HORMAD2: variants seen among roughly 807,000 people sequenced by gnomAD.
HORMAD2 encodes HORMA domain-containing protein 2.
In HORMAD2, 45 loss-of-function variants were observed where a neutral mutation model predicts 38.8. The observed-to-expected ratio is 1.16, with a 90% CI of 0.91 to 1.49. HORMAD2 has a LOEUF of 1.49. Among genes scored for constraint, HORMAD2 ranks in the 40% most tolerant of loss-of-function variants. The probability of loss-of-function intolerance (pLI) is 0.00; values close to 1 mark genes in which losing one functional copy is unlikely to be tolerated. For missense variants in HORMAD2, 338 were observed against 367.0 expected (o/e 0.92, Z 0.65); for synonymous variants, 126 against 122.8 (o/e 1.03, Z -0.17).
chr22:30,175,225 T>TATATTATATATAATATAA (rs1158667733), intron 10 of HORMAD2, among the ~76,000 whole-genome samples: 59 of 34,526 alleles, frequency 1.7e-3, no homozygotes, highest in African/African-American at 3.4e-3. Context: ...ATATATTATA[T>TATATTATATATAATATAA]TATAGAATAT....
chr22:30,122,747 CCAAA>C (rs1922550275), intron 10 of HORMAD2, among the ~76,000 whole-genome samples: 1 of 152,094 alleles, frequency 6.6e-6, no homozygotes, highest in Admixed American at 6.6e-5. Context: ...GCTAGTGGAG[CCAAA>C]CAGTCAGGTC....
chr22:30,190,536 C>G, the HORMAD2 span, among the ~76,000 whole-genome samples: 1 of 152,180 alleles, frequency 6.6e-6, no homozygotes. Context: ...CAAACCCCTG[C>G]TAAGGGGGTG....
At chr22:30,136,848 G>A (rs189268416) in intron 10 of HORMAD2, 171 of 345,232 alleles carry the variant, frequency 5.0e-4, no homozygotes, top group African/African-American at 3.5e-3. Flanking sequence ...ACCATGGAGA[G>A]GATAAACAGA....
chr22:30,127,110 A>G (rs935834351), intron 10 of HORMAD2, among the ~76,000 whole-genome samples: 2 of 151,192 alleles, frequency 1.3e-5, no homozygotes, highest in Admixed American at 6.6e-5. Context: ...TATTCTGCAT[A>G]TAAGTACTTT....
At chr22:30,115,491 A>C in intron 7 of HORMAD2, among the ~76,000 whole-genome samples, 1 of 152,136 alleles carries the variant, frequency 6.6e-6, no homozygotes, top group South Asian at 2.1e-4. Flanking sequence ...TAGATACTTT[A>C]TTTTAGAAAA....
chr22:30,199,383 G>T, the HORMAD2 span, among the ~76,000 whole-genome samples: 3 of 152,214 alleles, frequency 2.0e-5, no homozygotes, highest in Admixed American at 6.5e-5. Flanking sequence ...TTTAAGCCAG[G>T]ATCTCTCTGG....
At chr22:30,189,117 A>G in the HORMAD2 span, among the ~76,000 whole-genome samples, 27 of 152,106 alleles carry the variant, frequency 1.8e-4, no homozygotes, top group African/African-American at 6.5e-4. Flanking sequence ...AAAAAAAAAA[A>G]GTTTTTTTCA....
chr22:30,205,969 G>A, the HORMAD2 span, among the ~76,000 whole-genome samples: 1 of 152,050 alleles, frequency 6.6e-6, no homozygotes, highest in African/African-American at 2.4e-5. Context: ...TGACACACTC[G>A]CCTGCCCACC....
chr22:30,132,440 G>A (rs1923347618), intron 10 of HORMAD2, among the ~76,000 whole-genome samples: 1 of 151,864 alleles, frequency 6.6e-6, no homozygotes, highest in Non-Finnish European at 1.5e-5. Context: ...GAATTAGCCA[G>A]CACGAGAATC....
At chr22:30,129,217 CAAAAAAAAAAAAAAAAAAAAAA>C (rs750796623) in intron 10 of HORMAD2, among the ~76,000 whole-genome samples, 19 of 22,650 alleles carry the variant, frequency 8.4e-4, no homozygotes, top group East Asian at 7.9e-3. Context: ...GACTCTATCT[CAAAAAAAAAAAAAAAAAAAAAA>C]AAAAAAAAAA....
chr22:30,171,704 C>T (rs1362543367), intron 10 of HORMAD2, among the ~76,000 whole-genome samples: 3 of 152,082 alleles, frequency 2.0e-5, no homozygotes, highest in Non-Finnish European at 4.4e-5. Flanking sequence ...ACAAATGTAA[C>T]CAAGACATGT....
At chr22:30,078,607 C>CAAAAAAAAAAAAAAAAAAAAA (rs55966787), upstream of HORMAD2, among the ~76,000 whole-genome samples, 4 of 28,102 alleles carry the variant, frequency 1.4e-4, 1 homozygote, top group African/African-American at 3.0e-4. Context: ...CTCTGTCTCA[C>CAAAAAAAAAAAAAAAAAAAAA]AAAAAAAAAA....
At chr22:30,112,413 G>T in intron 6 of HORMAD2, 83 bp from the exon 7 acceptor site, 1 of 683,360 alleles carries the variant, frequency 1.5e-6, no homozygotes, top group South Asian at 1.7e-5. Flanking sequence ...AACACAAATT[G>T]AACTCTATAT....
At chr22:30,206,753 G>A in the HORMAD2 span, among the ~76,000 whole-genome samples, 1 of 152,282 alleles carries the variant, frequency 6.6e-6, no homozygotes, top group South Asian at 2.1e-4. Context: ...ACAGGCATGA[G>A]CCACTCTGCC....
At position 30,176,852 on chromosome 22, in the gene HORMAD2, G is replaced by T. The variant is rs549880807; in HGVS notation, c.*685G>T. ...GTTTATCAGTCTGTAACCTGCAAAT[G>T]ATGCTATTAGTTCCCTCCTTATTCT... On this transcript the variant is annotated 3_prime_UTR_variant, in exon 11 of 11. Coordinates refer to ENST00000336726, the MANE Select transcript of HORMAD2 (RefSeq NM_152510.4). The T allele has an allele frequency of 1.3e-5, 2 of 152,850 alleles. No individual in the cohort carries two copies. The highest frequency in any genetic ancestry group is 1.9e-4 in the East Asian group (1 of 5,324). 9.5% of individuals were successfully genotyped at this position (152,850 alleles called of 1,614,324 possible). A position where few individuals can be genotyped will look rare whatever the true frequency, so the allele number is the denominator to read the frequency against.
chr22:30,140,780 G>C (rs1481089840), intron 10 of HORMAD2, among the ~76,000 whole-genome samples: 2 of 152,016 alleles, frequency 1.3e-5, no homozygotes, highest in African/African-American at 4.8e-5. Flanking sequence ...TATCATAAAT[G>C]TCTACACTAA....
the HORMAD2 span, among the ~76,000 whole-genome samples, chr22:30,200,805 A>G: frequency 1.3e-5 from 2 of 151,564 alleles, no homozygotes; most frequent in Non-Finnish European, 1.5e-5. Flanking sequence ...GCTGGAGTGC[A>G]GTGGCTCGAT....
intron 7 of HORMAD2, among the ~76,000 whole-genome samples, chr22:30,117,600 C>T (rs998524748): frequency 6.6e-6 from 1 of 152,108 alleles, no homozygotes; most frequent in Admixed American, 6.5e-5. Flanking sequence ...CCTCTGCTTC[C>T]TGGGTTCAAG....
intron 5 of HORMAD2, 123 bp from the exon 6 acceptor site, chr22:30,111,673 A>AT: frequency 1.4e-6 from 1 of 705,242 alleles, no homozygotes; most frequent in Non-Finnish European, 2.3e-6. Flanking sequence ...CCTTCTGGAT[A>AT]TTTTTTTCCT....
Sources: gnomAD v4.1 joint callset for allele counts (sites outside exome capture counted in the v4.1 genomes callset) on GRCh38, gnomAD v4.1.1 for gene constraint, MANE v1.5 for transcripts, NCBI Gene and HGNC (gene_info 2026-07-23, HGNC 2026-07-21) for gene names.